Variants in ATF7IP observed in about 807,000 individuals in gnomAD.
ATF7IP encodes activating transcription factor 7 interacting protein.
A neutral mutation model predicts 106.4 loss-of-function variants in ATF7IP; 23 were observed. The observed-to-expected ratio is 0.22, with a 90% confidence interval of 0.16 to 0.31. The LOEUF (loss-of-function observed/expected upper bound fraction) is 0.31, where lower values mean the gene tolerates loss of function less well. Among genes scored for constraint, ATF7IP ranks in the 10% least tolerant of loss-of-function variants. The pLI is 1.00. For synonymous variants in ATF7IP, 542 were observed against 539.0 expected, an observed-to-expected ratio of 1.01 and a Z score of -0.08; for missense variants, 1,334 against 1,524.3, an observed-to-expected ratio of 0.88 and a Z score of 2.08.
intron 1 of ATF7IP, among the ~76,000 whole-genome samples, chr12:14,388,513 A>C (rs1565475341): frequency 6.6e-6 from 1 of 151,134 alleles, no homozygotes; most frequent in Non-Finnish European, 1.5e-5. Flanking sequence ...CGCCCGGCTA[A>C]TTTTTGTAGT....
At chr12:14,485,600 A>G (rs1235932396) in intron 13 of ATF7IP, among the ~76,000 whole-genome samples, 1 of 152,190 alleles carries the variant, frequency 6.6e-6, no homozygotes, top group Non-Finnish European at 1.5e-5. Flanking sequence ...TAAGATTATG[A>G]CACAAAGCTG....
At chr12:14,414,897 G>C (rs1400119345) in intron 1 of ATF7IP, among the ~76,000 whole-genome samples, 1 of 152,118 alleles carries the variant, frequency 6.6e-6, no homozygotes, top group African/African-American at 2.4e-5. Flanking sequence ...AGCAAAATGT[G>C]AAAAGTACGT....
intron 10 of ATF7IP, among the ~76,000 whole-genome samples, chr12:14,472,232 T>C (rs534134571): frequency 1.3e-5 from 2 of 152,286 alleles, no homozygotes; most frequent in South Asian, 4.1e-4. Context: ...TCCTTATCTA[T>C]TGAATAAATG....
chr12:14,437,728 T>C (rs1375896613), intron 4 of ATF7IP, among the ~76,000 whole-genome samples: 1 of 152,230 alleles, frequency 6.6e-6, no homozygotes, highest in East Asian at 1.9e-4. Context: ...ATTCATTAAG[T>C]TAGTTTGTCA....
chr12:14,478,511 G>A, intron 12 of ATF7IP, 39 bp downstream of exon 12: 4 of 1,609,580 alleles, frequency 2.5e-6, no homozygotes, highest in Non-Finnish European at 3.4e-6. Flanking sequence ...CTTTGGTTTT[G>A]CCTGTAGAGA....
At chr12:14,417,567 G>A (rs984891463) in intron 1 of ATF7IP, among the ~76,000 whole-genome samples, 1 of 151,906 alleles carries the variant, frequency 6.6e-6, no homozygotes, top group African/African-American at 2.4e-5. Flanking sequence ...ATTTTGCATT[G>A]TATAGAAAAA....
Position 14,460,496 on chromosome 12 carries a change from A to G in ATF7IP, c.2160A>G (p.Val720=), listed in dbSNP as rs1442801779. The G allele has an allele frequency of 5.0e-6, 8 of 1,611,836 alleles. No homozygotes were observed. In the African/African-American group the frequency reaches 8.0e-5, roughly 16 times the overall value. ...GAGGCTTCTGTTTTCTTTCTATAGT[A>G]TCTTCAACCAATCTTGTCACTCCTC... The part of the protein sequence containing the change: ...PPSFQTPVNT[V]SSTNLVTPPA... The change falls in exon 9 of 15, where the codon GTA becomes GTG. Residue 720 remains valine (V), a splice_region_variant and synonymous_variant. Transcript: ENST00000261168.
chr12:14,398,965 G>T (rs576248360), intron 1 of ATF7IP, among the ~76,000 whole-genome samples: 1 of 151,840 alleles, frequency 6.6e-6, no homozygotes, highest in African/African-American at 2.4e-5. Context: ...AACCCATCAG[G>T]TTTTTCCCTG....
At chr12:14,415,148 A>G (rs1941136285) in intron 1 of ATF7IP, among the ~76,000 whole-genome samples, 1 of 152,314 alleles carries the variant, frequency 6.6e-6, no homozygotes, top group East Asian at 1.9e-4. Context: ...GCATAGGGAT[A>G]GTAGAGTTTG....
At chr12:14,456,686 T>A in intron 7 of ATF7IP, 52 bp downstream of exon 7, 1 of 1,307,110 alleles carries the variant, frequency 7.7e-7, no homozygotes, top group Non-Finnish European at 1.1e-6. Flanking sequence ...AGTTCTACTT[T>A]CTTTATTTGG....
intron 2 of ATF7IP, among the ~76,000 whole-genome samples, chr12:14,432,356 T>C (rs550170539): frequency 2.6e-5 from 4 of 152,250 alleles, no homozygotes; most frequent in East Asian, 3.9e-4. Context: ...CAGAAAGATA[T>C]GGAAAAATAT....
At chr12:14,495,115 G>A (rs549156941) in intron 13 of ATF7IP, among the ~76,000 whole-genome samples, 60 of 152,126 alleles carry the variant, frequency 3.9e-4, no homozygotes, top group African/African-American at 1.4e-3. Context: ...TCCTTTTCAC[G>A]TTTTTCTGCC....
chr12:14,411,074 T>C (rs1389288841), intron 1 of ATF7IP, among the ~76,000 whole-genome samples: 2 of 152,240 alleles, frequency 1.3e-5, no homozygotes, highest in Non-Finnish European at 2.9e-5. Context: ...TTATGCGTAG[T>C]GCTTCTATAA....
At chr12:14,422,354 CACAA>C (rs1565496342) in intron 1 of ATF7IP, among the ~76,000 whole-genome samples, 1 of 139,382 alleles carries the variant, frequency 7.2e-6, no homozygotes, top group South Asian at 2.3e-4. Context: ...CACACACACA[CACAA>C]CCTTTGTATT....
At chr12:14,370,283 C>G (rs995785261) in intron 1 of ATF7IP, among the ~76,000 whole-genome samples, 1 of 152,110 alleles carries the variant, frequency 6.6e-6, no homozygotes, top group Non-Finnish European at 1.5e-5. Flanking sequence ...TCATTAGCTT[C>G]TCAAAAGAAT....
intron 5 of ATF7IP, among the ~76,000 whole-genome samples, chr12:14,445,959 AC>A (rs1000381763): frequency 1.3e-5 from 2 of 152,172 alleles, no homozygotes; most frequent in Admixed American, 1.3e-4. Context: ...GAAAGGAGAT[AC>A]TACCAAATAT....
intron 8 of ATF7IP, among the ~76,000 whole-genome samples, chr12:14,458,074 C>T (rs1366949600): frequency 6.6e-6 from 1 of 150,974 alleles, no homozygotes; most frequent in Non-Finnish European, 1.5e-5. Context: ...CCAGCCTGGG[C>T]AACAGAGTGG....
At chr12:14,482,896 A>G (rs1206624275) in intron 13 of ATF7IP, among the ~76,000 whole-genome samples, 1 of 152,214 alleles carries the variant, frequency 6.6e-6, no homozygotes, top group Non-Finnish European at 1.5e-5. Flanking sequence ...AAACACACCA[A>G]TCCCCAAGCC....
chr12:14,472,998 A>G (rs922683824), intron 10 of ATF7IP, among the ~76,000 whole-genome samples: 45 of 152,152 alleles, frequency 3.0e-4, no homozygotes, highest in Non-Finnish European at 5.3e-4. Flanking sequence ...TTATATTTAA[A>G]GTGAATCCGC....
Sources: gnomAD v4.1 joint callset for allele counts (sites outside exome capture counted in the v4.1 genomes callset) on GRCh38, gnomAD v4.1.1 for gene constraint, MANE v1.5 for transcripts, NCBI Gene and HGNC (gene_info 2026-07-23, HGNC 2026-07-21) for gene names.